ADD2: variants seen among roughly 807,000 people sequenced by gnomAD.
ADD2 encodes beta-adducin.
In ADD2, 23 loss-of-function variants were observed where a neutral mutation model predicts 83.0. That is an observed-to-expected ratio of 0.28 (90% CI 0.20 to 0.39). The LOEUF is 0.39. ADD2 is among the 10% of genes least tolerant of loss of function. ADD2 has a pLI of 1.00. For synonymous variants in ADD2, 375 were observed against 375.4 expected, an observed-to-expected ratio of 1.00 and a Z score of 0.01; for missense variants, 758 against 944.9, an observed-to-expected ratio of 0.80 and a Z score of 2.59.
At chr2:70,767,564 G>GGT in intron 1 of ADD2, 1 of 1,105,098 alleles carries the variant, frequency 9.0e-7, no homozygotes, top group Non-Finnish European at 1.1e-6. Flanking sequence ...GCGAGGCGAG[G>GGT]CTTGCCGCCC....
chr2:70,704,338 A>C lies in ADD2; in HGVS notation c.305T>G (p.Phe102Cys). 1.5e-6 allele frequency: 2 copies of C among 1,362,764 alleles called. No homozygotes were observed. Among genetic ancestry groups the C allele is most frequent in the Non-Finnish European group, 1.9e-6 (2 of 1,031,406 alleles). 84.4% of individuals were successfully genotyped at this position (1,362,764 alleles called of 1,614,324 possible). A position where few individuals can be genotyped will look rare whatever the true frequency, so the allele number is the denominator to read the frequency against. The change falls in exon 4 of 16, where the codon TTC becomes TGC. Residue 102 changes from phenylalanine (F) to cysteine (C), a missense_variant. Coordinates refer to ENST00000264436, the MANE Select transcript of ADD2 (RefSeq NM_001617.4). ...DFMASTSHAV[F>C]PTSSMNVSMM... ...CCACATACTCATGGAAGATGTCGGG[A>C]AGACTGCGTGGGAGGTGCTGGCCAT...
At chr2:70,766,363 A>C (rs1553386049) in intron 1 of ADD2, among the ~76,000 whole-genome samples, 1 of 152,242 alleles carries the variant, frequency 6.6e-6, no homozygotes, top group Non-Finnish European at 1.5e-5. Context: ...CTCTACAGAG[A>C]AAAGTTTGAT....
At chr2:70,732,158 A>C (rs528382042) in intron 1 of ADD2, among the ~76,000 whole-genome samples, 1 of 152,338 alleles carries the variant, frequency 6.6e-6, no homozygotes, top group East Asian at 1.9e-4. Context: ...AAGGCAGGAC[A>C]AAGTGAGTGG....
At chr2:70,756,902 C>G (rs1180989641) in intron 1 of ADD2, among the ~76,000 whole-genome samples, 1 of 151,300 alleles carries the variant, frequency 6.6e-6, no homozygotes, top group Non-Finnish European at 1.5e-5. Flanking sequence ...GATCTCGGCT[C>G]ACTGCAAACT....
rs143061693 is a variant in ADD2, at chr2:70,692,780, G to C, written c.556-228C>G. Among the ~76,000 whole-genome samples, 1,257 of 152,330 alleles carry C rather than the reference G, an allele frequency of 8.3e-3. 12 individuals are homozygous for C. The highest frequency in any genetic ancestry group is 0.029 in the African/African-American group (1,213 of 41,562). ...ATAATTCAGCAGGAGAAATGCGAGA[G>C]CAGAGTTTCTCAGACTTTGTTCACG... is the stretch of plus-strand genomic sequence containing the variant. On this transcript the variant is annotated intron_variant, in intron 6 of 15. Transcript: ENST00000264436.
At chr2:70,673,407 T>TC in intron 14 of ADD2, 1 of 1,180,072 alleles carries the variant, frequency 8.5e-7, no homozygotes, top group Non-Finnish European at 1.2e-6. Flanking sequence ...AACCACCAAC[T>TC]CCCCTTATTT....
At chr2:70,749,956 C>T (rs951909746) in intron 1 of ADD2, among the ~76,000 whole-genome samples, 2 of 152,148 alleles carry the variant, frequency 1.3e-5, no homozygotes, top group African/African-American at 4.8e-5. Context: ...AATTCTTAAC[C>T]AATATAGAGT....
At chr2:70,678,655 A>G in intron 11 of ADD2, 49 bp downstream of exon 11, 1 of 1,509,858 alleles carries the variant, frequency 6.6e-7, no homozygotes, top group Admixed American at 2.3e-5. Context: ...TCACCCTGCT[A>G]ATGCAGCCTG....
chr2:70,664,446 CT>C (rs1444247480), intron 15 of ADD2, among the ~76,000 whole-genome samples: 2 of 152,220 alleles, frequency 1.3e-5, no homozygotes, highest in African/African-American at 4.8e-5. Context: ...GCCACCCTTT[CT>C]CCCCCTCCCC....
chr2:70,673,685 C>G (rs1553367618), intron 14 of ADD2, among the ~76,000 whole-genome samples: 1 of 152,106 alleles, frequency 6.6e-6, no homozygotes, highest in African/African-American at 2.4e-5. Context: ...TAACCTCCGC[C>G]TTCTGGGTTC....
At chr2:70,742,084 G>A (rs1004558736) in intron 1 of ADD2, among the ~76,000 whole-genome samples, 4 of 152,196 alleles carry the variant, frequency 2.6e-5, no homozygotes, top group Non-Finnish European at 4.4e-5. Flanking sequence ...CTATTTAAAA[G>A]GCCATTATAT....
intron 1 of ADD2, among the ~76,000 whole-genome samples, chr2:70,713,870 G>T (rs1672330249): frequency 6.6e-6 from 1 of 152,002 alleles, no homozygotes; most frequent in Non-Finnish European, 1.5e-5. Flanking sequence ...ACTCACAGAT[G>T]CTAATGTGAG....
At chr2:70,737,517 T>C (rs1201659653) in intron 1 of ADD2, among the ~76,000 whole-genome samples, 3 of 136,804 alleles carry the variant, frequency 2.2e-5, no homozygotes, top group Admixed American at 8.7e-5. Flanking sequence ...TAGGTGGGAA[T>C]TGAACAATGA....
At chr2:70,701,397 C>T (rs1036043116) in intron 4 of ADD2, among the ~76,000 whole-genome samples, 10 of 152,008 alleles carry the variant, frequency 6.6e-5, no homozygotes, top group Admixed American at 3.9e-4. Context: ...TTCCTCAACA[C>T]GATAAAAAAT....
intron 13 of ADD2, 48 bp from the exon 14 acceptor site, chr2:70,674,873 G>C (rs1553367902): frequency 1.3e-6 from 2 of 1,587,032 alleles, no homozygotes; most frequent in Non-Finnish European, 1.7e-6. Context: ...CGCCGCAGTT[G>C]GGGTGCAGGC....
intron 1 of ADD2, among the ~76,000 whole-genome samples, chr2:70,715,737 C>A (rs1672427955): frequency 6.6e-6 from 1 of 152,178 alleles, no homozygotes; most frequent in Admixed American, 6.5e-5. Context: ...CTCCTGCTCA[C>A]CACACACCGC....
chr2:70,730,832 A>G (rs1673245329), intron 1 of ADD2, among the ~76,000 whole-genome samples: 1 of 152,322 alleles, frequency 6.6e-6, no homozygotes, highest in Non-Finnish European at 1.5e-5. Context: ...TACAGTATTC[A>G]GTATGGTCAC....
At chr2:70,701,239 G>A (rs550735033) in intron 4 of ADD2, among the ~76,000 whole-genome samples, 55 of 152,002 alleles carry the variant, frequency 3.6e-4, no homozygotes, top group African/African-American at 1.2e-3. Flanking sequence ...TAATGAAAAA[G>A]GAGTTCAATA....
intron 8 of ADD2, among the ~76,000 whole-genome samples, chr2:70,688,895 G>C (rs577973692): frequency 2.6e-4 from 40 of 152,206 alleles, no homozygotes; most frequent in African/African-American, 8.4e-4. Context: ...TCAGGAGTTC[G>C]AGACCAGCCT....
Sources: allele counts gnomAD v4.1 joint callset (sites outside exome capture counted in the v4.1 genomes callset), GRCh38; gene constraint gnomAD v4.1.1; transcripts MANE v1.5; gene names NCBI Gene and HGNC (gene_info 2026-07-23, HGNC 2026-07-21).